VPS13A: variants seen among roughly 807,000 people sequenced by gnomAD.
The protein encoded by VPS13A is intermembrane lipid transfer protein VPS13A.
In VPS13A, 264 loss-of-function variants were observed where a neutral mutation model predicts 390.9. The ratio of observed to expected loss-of-function variants is 0.68; its 90% CI spans 0.61 to 0.75. VPS13A has a LOEUF of 0.75. VPS13A is among the 30% of genes least tolerant of loss of function. The pLI is 0.00. For missense variants in VPS13A, 3,409 were observed against 3,733.9 expected (o/e 0.91, Z 2.27); for synonymous variants, 1,231 against 1,227.1 (o/e 1.00, Z -0.07).
chr9:77,363,781 C>T (rs1253488564), intron 59 of VPS13A, among the ~76,000 whole-genome samples: 1 of 152,194 alleles, frequency 6.6e-6, no homozygotes, highest in Non-Finnish European at 1.5e-5. Flanking sequence ...AGCCCTTAGG[C>T]TCGAACTGCA....
chr9:77,290,048 C>T (rs1827557789), intron 31 of VPS13A, among the ~76,000 whole-genome samples: 1 of 152,114 alleles, frequency 6.6e-6, no homozygotes. Context: ...CCCCAGAGTG[C>T]TGGGATTACA....
intron 29 of VPS13A, 96 bp downstream of exon 29, chr9:77,282,370 G>A: frequency 8.5e-7 from 1 of 1,179,414 alleles, no homozygotes; most frequent in Non-Finnish European, 1.2e-6. Context: ...TTCAAATATT[G>A]GCTTCAGAAT....
chr9:77,221,704 A>T (rs995296697), intron 13 of VPS13A, among the ~76,000 whole-genome samples: 1 of 152,070 alleles, frequency 6.6e-6, no homozygotes, highest in African/African-American at 2.4e-5. Context: ...TCACCACTAC[A>T]TTTTCCCTAT....
intron 60 of VPS13A, among the ~76,000 whole-genome samples, chr9:77,366,501 A>G (rs1183946691): frequency 6.6e-6 from 1 of 152,118 alleles, no homozygotes; most frequent in Non-Finnish European, 1.5e-5. Flanking sequence ...AGAATGGGAT[A>G]GGATTAAATA....
At position 77,405,889 on chromosome 9, in the gene VPS13A, A is replaced by T. The variant is rs774970698; in HGVS notation, c.9301A>T (p.Thr3101Ser). Reference protein sequence around the residue: ...RRGVLFVTKGTFGQLTCEWQY... With the variant: ...RRGVLFVTKGSFGQLTCEWQY... ...TGGTGTATTGTTTGTAACAAAGGGA[A>T]CATTTGGACAACTCACGTGTGAGTG... Residue 3101 changes from threonine (T) to serine (S), a missense_variant, in exon 70 of 72, where the codon ACA becomes TCA. By Grantham distance (58) the Thr-to-Ser change is moderately conservative (BLOSUM62 1). Transcript: ENST00000360280. 10 of 1,613,760 alleles carry T rather than the reference A, an allele frequency of 6.2e-6. No homozygotes were observed. The Admixed American group carries it at 1.2e-4, about 19-fold the overall frequency.
chr9:77,389,409 A>G (rs1475475439), intron 68 of VPS13A, among the ~76,000 whole-genome samples: 1 of 151,184 alleles, frequency 6.6e-6, no homozygotes, highest in Non-Finnish European at 1.5e-5. Flanking sequence ...GGACTGAAGT[A>G]GTCCTCCTGC....
At chr9:77,271,567 T>C (rs1826355535) in intron 23 of VPS13A, among the ~76,000 whole-genome samples, 1 of 152,022 alleles carries the variant, frequency 6.6e-6, no homozygotes, top group Admixed American at 6.6e-5. Flanking sequence ...CAATTGTCTA[T>C]CCAGAAGTGA....
At position 77,238,197 on chromosome 9, in the gene VPS13A, C is replaced by A. The variant is rs939969916; in HGVS notation, c.1785+6C>A. 2 of 1,611,766 alleles carry A rather than the reference C, an allele frequency of 1.2e-6. No individual in the cohort carries two copies. The highest frequency in any genetic ancestry group is 1.7e-5 in the Admixed American group (1 of 60,000). ...TAGAAATCATATATGATGCAGTAAG[C>A]ATTTTTTTAAATTACTAAGTTTTAA... On this transcript the variant is annotated splice_donor_region_variant and intron_variant, in intron 18 of 71. Coordinates refer to ENST00000360280, the MANE Select transcript of VPS13A (RefSeq NM_033305.3).
chr9:77,285,451 TGATA>T (rs1564695661), intron 31 of VPS13A, among the ~76,000 whole-genome samples: 1 of 152,202 alleles, frequency 6.6e-6, no homozygotes, highest in Non-Finnish European at 1.5e-5. Context: ...CTTGCTGACC[TGATA>T]GTCTCATGAA....
At chr9:77,263,897 T>C (rs1353009258) in intron 23 of VPS13A, among the ~76,000 whole-genome samples, 1 of 152,270 alleles carries the variant, frequency 6.6e-6, no homozygotes, top group Non-Finnish European at 1.5e-5. Flanking sequence ...TTTAAGTCTT[T>C]AATCCATCTT....
chr9:77,322,649 T>G (rs1255291042), intron 44 of VPS13A, among the ~76,000 whole-genome samples: 1 of 152,042 alleles, frequency 6.6e-6, no homozygotes, highest in Non-Finnish European at 1.5e-5. Flanking sequence ...AAATTTTATT[T>G]AATCAAGTCC....
intron 23 of VPS13A, among the ~76,000 whole-genome samples, chr9:77,265,864 C>A (rs1826009095): frequency 6.6e-6 from 1 of 152,058 alleles, no homozygotes; most frequent in African/African-American, 2.4e-5. Flanking sequence ...CTTGCTCTTG[C>A]TTCTCTGGTT....
intron 45 of VPS13A, among the ~76,000 whole-genome samples, chr9:77,325,405 T>TG (rs1445796554): frequency 1.1e-4 from 16 of 151,540 alleles, no homozygotes; most frequent in African/African-American, 3.6e-4. Flanking sequence ...GACCTTGTTT[T>TG]TTTTTTTTTT....
Position 77,275,491 on chromosome 9 carries a change from A to C in VPS13A, c.2513-7A>C, listed in dbSNP as rs1826601013. The C allele has an allele frequency of 6.2e-7, 1 of 1,612,950 alleles. No homozygotes were observed. Among genetic ancestry groups the C allele is most frequent in the Non-Finnish European group, 8.5e-7 (1 of 1,179,146 alleles). Reference sequence around the variant, plus strand: ...TATTGACTTAAATAATGTTCTGTGAAATGTAGATTCAGAGGAGGAATTTTT... The same window carrying C: ...TATTGACTTAAATAATGTTCTGTGACATGTAGATTCAGAGGAGGAATTTTT... On this transcript the variant is annotated splice_region_variant and splice_polypyrimidine_tract_variant and intron_variant, in intron 24 of 71. Transcript: ENST00000360280.
Position 77,340,100 on chromosome 9 carries a change from A to G in VPS13A, c.6775-78A>G. 12 of 1,436,922 alleles carry G rather than the reference A, an allele frequency of 8.4e-6. No individual in the cohort carries two copies. In the South Asian group the frequency reaches 1.4e-4, roughly 17 times the overall value. 89.0% of individuals were successfully genotyped at this position (1,436,922 alleles called of 1,614,324 possible). The stretch of plus-strand genomic sequence containing the variant: ...AACAATATAATATTTTGTTTATGCT[A>G]AAAAGTAATTTATCAGTTTAAGCAG... On this transcript the variant is annotated intron_variant, in intron 48 of 71. Transcript: ENST00000360280.
intron 26 of VPS13A, among the ~76,000 whole-genome samples, chr9:77,278,375 A>G (rs1185435335): frequency 1.3e-5 from 2 of 151,500 alleles, no homozygotes; most frequent in Non-Finnish European, 2.9e-5. Context: ...GCCTGGCCAC[A>G]CTTATTAAGT....
At chr9:77,357,961 T>C (rs1463550337) in intron 56 of VPS13A, 123 bp downstream of exon 56, 11 of 984,556 alleles carry the variant, frequency 1.1e-5, no homozygotes, top group Non-Finnish European at 1.6e-5. Context: ...CCTTTTTTTT[T>C]TTTTTTTTTT....
chr9:77,223,087 C>T (rs774786331), intron 13 of VPS13A, among the ~76,000 whole-genome samples: 10 of 152,316 alleles, frequency 6.6e-5, no homozygotes, highest in East Asian at 5.8e-4. Context: ...TGAGCCTCTT[C>T]TGGCTCTGGA....
chr9:77,237,914 C>T (rs1308032054), intron 17 of VPS13A, 88 bp from the exon 18 acceptor site: 4 of 1,012,156 alleles, frequency 4.0e-6, no homozygotes, highest in Non-Finnish European at 6.0e-6. Context: ...GTGAAGTTGT[C>T]TTCATTAATT....
Sources: gnomAD v4.1 joint callset for allele counts (sites outside exome capture counted in the v4.1 genomes callset) on GRCh38, gnomAD v4.1.1 for gene constraint, MANE v1.5 for transcripts, NCBI Gene and HGNC (gene_info 2026-07-23, HGNC 2026-07-21) for gene names.